The following TTN variants were observed in gnomAD, a reference collection of about 807,000 sequenced individuals.
TTN encodes the protein connectin.
A neutral mutation model predicts 3,223.0 loss-of-function variants in TTN; 1,525 were observed. The observed-to-expected ratio is 0.47, with a 90% CI of 0.45 to 0.49. The LOEUF is 0.49. TTN is among the 20% of genes least tolerant of loss of function. TTN has a pLI of 0.00. For synonymous variants in TTN, 14,094 were observed against 15,161.0 expected, an observed-to-expected ratio of 0.93 and a Z score of 5.17; for missense variants, 40,786 against 43,424.0, an observed-to-expected ratio of 0.94 and a Z score of 5.40.
At position 178,579,973 on chromosome 2, in the gene TTN, A is replaced by T. The variant is rs911744113; in HGVS notation, c.67314T>A (p.Asp22438Glu). ...VFAENEYGIG[D>E]PGETRDAVKA... ...TGACAGCATCACGAGTTTCACCGGG[A>T]TCACCAATGCCATACTCATTTTCAG... Residue 22438 changes from aspartate to glutamate, a missense_variant, in exon 318 of 363, where the codon GAT becomes GAA. By Grantham distance (45) the Asp-to-Glu change is conservative. Transcript: ENST00000589042. 2 of 1,613,240 alleles carry T rather than the reference A, an allele frequency of 1.2e-6. No homozygotes were observed. The highest frequency in any genetic ancestry group is 1.7e-5 in the Admixed American group (1 of 59,978).
At position 178,538,695 on chromosome 2, in the gene TTN, C is replaced by A. The variant is rs1235163894; in HGVS notation, c.99134G>T (p.Trp33045Leu). 6.2e-7 allele frequency: 1 copy of A among 1,613,746 alleles called. No homozygotes were observed. Residue 33045 changes from tryptophan to leucine, a missense_variant, in exon 354 of 363, where the codon TGG (tryptophan) becomes TTG (leucine). Coordinates refer to ENST00000589042, the MANE Select transcript of TTN (RefSeq NM_001267550.2). Reference protein sequence around the residue: ...VEYRQSGDSAWKKSNKERIKD... With the variant: ...VEYRQSGDSALKKSNKERIKD... ...AATACGTTCCTTATTGCTCTTCTTC[C>A]AGGCACTGTCTCCAGACTGTCTATA... is the stretch of plus-strand genomic sequence containing the variant.
chr2:178,763,649 A>T (rs1285698193), intron 43 of TTN, among the ~76,000 whole-genome samples: 2 of 152,204 alleles, frequency 1.3e-5, no homozygotes, highest in Admixed American at 1.3e-4. Flanking sequence ...AACGAGAGAC[A>T]TGATATATAT....
In TTN at chr2:178,717,551, A is replaced by T. The variant is rs1204903472; in HGVS notation, c.25323T>A (p.Ala8441=). 1 of 1,610,670 alleles carries T rather than the reference A, an allele frequency of 6.2e-7. No individual in the cohort carries two copies. The highest frequency in any genetic ancestry group is 1.3e-5 in the African/African-American group (1 of 74,916). ...NCSASNPLGT[A]SSSAKLILSE... ...AGAGAATGAGCTTGGCACTGGATGA[A>T]GCAGTCCCAAGAGGATTAGAAGCAG... Residue 8441 remains alanine, a synonymous_variant, in exon 87 of 363, where the codon GCT becomes GCA. Coordinates refer to ENST00000589042, the MANE Select transcript of TTN (RefSeq NM_001267550.2).
chr2:178,731,969 ACT>A lies in TTN; in HGVS notation c.16904_16905del (p.Glu5635ValfsTer9). On this transcript the variant is annotated frameshift_variant and splice_region_variant, in exon 58 of 363. Transcript: ENST00000589042. LOFTEE classifies it high-confidence loss of function. Reference sequence around the variant, plus strand: ...TTAAATTCCTTGGTAAAATAAGGTGACTCTACAGTAAAAAAGGAATGATTTGC... The same window carrying A: ...TTAAATTCCTTGGTAAAATAAGGTGACTACAGTAAAAAAGGAATGATTTGC... ...DHCSSIVIVK[E>X]SPYFTKEFKP... 6.2e-7 allele frequency: 1 copy of A among 1,601,958 alleles called. No homozygotes were observed. Among genetic ancestry groups the A allele is most frequent in the East Asian group, 2.2e-5 (1 of 44,614 alleles).
chr2:178,632,004 C>T (rs2059865455), intron 236 of TTN, 143 bp downstream of exon 236: 2 of 837,380 alleles, frequency 2.4e-6, no homozygotes, highest in Admixed American at 3.5e-5. Flanking sequence ...TAGAAATAAG[C>T]CTGATTACAT....
At chr2:178,583,454 A>G in intron 312 of TTN, 153 bp downstream of exon 312, 11 of 930,630 alleles carry the variant, frequency 1.2e-5, no homozygotes, top group Non-Finnish European at 1.5e-5. Context: ...GCATGTTATT[A>G]TGATTCTCCA....
Position 178,572,567 on chromosome 2 carries a change from G to C in TTN, c.73565C>G (p.Pro24522Arg). ...CTCTTTTACCTTCAGATCCTGTGGG[G>C]GGCCTGGTGTATCGAGAACTCTAAC... The part of the protein sequence containing the change: ...VNVRVLDTPG[P>R]PQDLKVKEVT... Residue 24522 changes from proline (P) to arginine (R), a missense_variant, in exon 326 of 363, where the codon CCC (proline) becomes CGC (arginine). By Grantham distance (103) the Pro-to-Arg change is moderately radical. Transcript: ENST00000589042. The C allele has an allele frequency of 6.2e-7, 1 of 1,613,402 alleles. No individual in the cohort carries two copies. The highest frequency in any genetic ancestry group is 1.1e-5 in the South Asian group (1 of 91,068).
chr2:178,663,322 G>A lies in TTN; in HGVS notation c.36644C>T (p.Pro12215Leu), dbSNP rs367720476. Residue 12215 changes from proline to leucine, a missense_variant, in exon 173 of 363, where the codon CCA becomes CTA. Coordinates refer to ENST00000589042, the MANE Select transcript of TTN (RefSeq NM_001267550.2). ...KVPEVPKAAV[P>L]EKKLPEAIPP... The stretch of plus-strand genomic sequence containing the variant: ...AATAGCTTCAGGCAACTTCTTTTCT[G>A]GGACAGCTGCCTTTGGCACCTCTGG... 2.5e-5 allele frequency: 39 copies of A among 1,575,168 alleles called. 3 individuals are homozygous for A. The African/African-American group carries it at 4.1e-4, about 17-fold the overall frequency.
intron 359 of TTN, 196 bp from the exon 360 acceptor site, chr2:178,529,415 C>A: frequency 2.3e-6 from 1 of 432,434 alleles, no homozygotes; most frequent in South Asian, 7.0e-5. Context: ...TGTAATGATT[C>A]CTTAAACTAA....
chr2:178,728,426 C>A, intron 66 of TTN, 29 bp from the exon 67 acceptor site: 1 of 1,580,096 alleles, frequency 6.3e-7, no homozygotes, highest in South Asian at 1.2e-5. Flanking sequence ...AAAACACATC[C>A]ATTAATCTCT....
rs748726950 is a variant in TTN at position 178,619,823 on chromosome 2, G to T, written c.46494C>A (p.Val15498=). 2 of 1,612,092 alleles carry T rather than the reference G, an allele frequency of 1.2e-6. No homozygotes were observed. The highest frequency in any genetic ancestry group is 2.7e-5 in the African/African-American group (2 of 74,754). The change falls in exon 250 of 363, where the codon GTC becomes GTA. Residue 15498 remains valine (V), a synonymous_variant. Transcript: ENST00000589042. ...DILEAPGADV[V]FLAELNKDKV... ...TATCTTTATTGAGTTCTGCTAAAAA[G>T]ACAACATCAGCACCAGGGGCTTCAA...
rs886039088 is a variant in TTN at position 178,574,058 on chromosome 2, T to G, written c.72074A>C (p.Glu24025Ala). 1 of 1,613,274 alleles carries G rather than the reference T, an allele frequency of 6.2e-7. No homozygotes were observed. The highest frequency in any genetic ancestry group is 1.3e-5 in the African/African-American group (1 of 74,882). The change falls in exon 326 of 363, where the codon GAG (glutamate) becomes GCG (alanine). Residue 24025 changes from glutamate to alanine, a missense_variant. Coordinates refer to ENST00000589042, the MANE Select transcript of TTN (RefSeq NM_001267550.2). ...AACATCCACCTTTATCTTTGGTGCCTCAACATCATCCCTGCAAGTGATAGC... is the reference window on the plus strand; with the variant it reads ...AACATCCACCTTTATCTTTGGTGCCGCAACATCATCCCTGCAAGTGATAGC... ...SDAITCRDDV[E>A]APKIKVDVKF...
intron 286 of TTN, 26 bp downstream of exon 286, chr2:178,601,632 G>A (rs1197546303): frequency 3.2e-6 from 5 of 1,583,782 alleles, no homozygotes; most frequent in African/African-American, 1.4e-5. Flanking sequence ...TTTTTATTCT[G>A]TAGCAACTTT....
rs1438474327 is a variant in TTN, at chr2:178,777,514, A to C, written c.4551T>G (p.Ile1517Met). 1.2e-6 allele frequency: 2 copies of C among 1,613,810 alleles called. No homozygotes were observed. The highest frequency in any genetic ancestry group is 1.7e-6 in the Non-Finnish European group (2 of 1,179,950). The change falls in exon 26 of 363, where the codon ATT (isoleucine) becomes ATG (methionine). Residue 1517 changes from isoleucine (I) to methionine (M), a missense_variant. By Grantham distance (10) the Ile-to-Met change is conservative. Transcript: ENST00000589042. Reference protein sequence around the residue: ...IKEDGTQSLIIVPATPSDSGE... With the variant: ...IKEDGTQSLIMVPATPSDSGE... The stretch of plus-strand genomic sequence containing the variant: ...CAGAATCACTGGGTGTGGCAGGGAC[A>C]ATAATTAGTGATTGAGTACCATCTT...
intron 47 of TTN, among the ~76,000 whole-genome samples, chr2:178,752,234 G>A (rs562915500): frequency 1.1e-4 from 16 of 151,926 alleles, no homozygotes; most frequent in South Asian, 2.1e-4. Flanking sequence ...CACGAAAATC[G>A]TTCGTTGTCT....
At position 178,636,160 on chromosome 2, in the gene TTN, A is replaced by C. The variant is rs777964980; in HGVS notation, c.41411T>G (p.Leu13804Ter). 6.2e-7 allele frequency: 1 copy of C among 1,612,906 alleles called. No homozygotes were observed. Among genetic ancestry groups the C allele is most frequent in the Non-Finnish European group, 8.5e-7 (1 of 1,179,382 alleles). Residue 13804 changes from leucine (L) to a stop codon, truncating the protein, a stop_gained, in exon 226 of 363, where the codon TTA becomes TGA. Coordinates refer to ENST00000589042, the MANE Select transcript of TTN (RefSeq NM_001267550.2). LOFTEE classifies it high-confidence loss of function. The surrounding 1 kb of genome is among the most constrained non-coding windows in gnomAD (Gnocchi z 4.3). ...CCAGACCACGTCACGCTCTTTGTTT[A>C]ACTCGCAGCTCAAGTACAATGGCTG... ...KGQPLYLSCE[L>*]NKERDVVWRK...
chr2:178,616,265 G>A (rs1477808255), intron 257 of TTN, among the ~76,000 whole-genome samples: 3 of 151,616 alleles, frequency 2.0e-5, no homozygotes, highest in South Asian at 4.1e-4. Context: ...AATTTGGTAA[G>A]GCTCACAAGA....
chr2:178,764,042 G>A (rs1311229832), intron 43 of TTN, 135 bp downstream of exon 43: 2 of 1,336,606 alleles, frequency 1.5e-6, no homozygotes, highest in South Asian at 1.2e-5. Context: ...ATTGAAATAA[G>A]TTTTCTGTTA....
chr2:178,672,589 C>T (rs756286788), intron 153 of TTN, 46 bp downstream of exon 153: 51 of 1,607,784 alleles, frequency 3.2e-5, no homozygotes, highest in Admixed American at 2.5e-4. Flanking sequence ...AAAGTCTTAA[C>T]GAAAAAAGAC....
Sources: allele counts gnomAD v4.1 joint callset (sites outside exome capture counted in the v4.1 genomes callset), GRCh38; gene constraint gnomAD v4.1.1; non-coding constraint Gnocchi (gnomAD v3.1); transcripts MANE v1.5; gene names NCBI Gene and HGNC (gene_info 2026-07-23, HGNC 2026-07-21).